TMEM108: variants seen among roughly 807,000 people sequenced by gnomAD.
TMEM108 encodes the protein transmembrane protein 108, also known as cancer/testis antigen 124.
A neutral mutation model predicts 35.1 loss-of-function variants in TMEM108; 12 were observed. That is an observed-to-expected ratio of 0.34 (90% confidence interval 0.22 to 0.55). TMEM108 has a LOEUF of 0.55. Among genes scored for constraint, TMEM108 ranks in the 20% least tolerant of loss-of-function variants. The probability of loss-of-function intolerance (pLI) is 0.89; values close to 1 mark genes in which losing one functional copy is unlikely to be tolerated. For missense variants in TMEM108, 680 were observed against 753.3 expected, an observed-to-expected ratio of 0.90 and a Z score of 1.14; for synonymous variants, 287 against 308.6, an observed-to-expected ratio of 0.93 and a Z score of 0.73.
chr3:133,101,192 A>AT lies in TMEM108; in HGVS notation c.-47+55179dup, dbSNP rs745691121. On this transcript the variant is annotated intron_variant, in intron 2 of 5. Coordinates refer to ENST00000321871, the MANE Select transcript of TMEM108 (RefSeq NM_023943.4). ...TATTATGGACAGTGCCTAAAACTGGATTTTTTTGGGTGAAAGCTCCTGATA... is the reference window on the plus strand; with the variant it reads ...TATTATGGACAGTGCCTAAAACTGGATTTTTTTTGGGTGAAAGCTCCTGATA... Among the ~76,000 whole-genome samples the AT allele has an allele frequency of 1.2e-4, 18 of 152,142 alleles. 1 individual carries two copies. Among genetic ancestry groups the AT allele is most frequent in the Non-Finnish European group, 2.2e-4 (15 of 68,022 alleles).
At chr3:133,351,796 A>G (rs554926617) in intron 3 of TMEM108, among the ~76,000 whole-genome samples, 58 of 152,304 alleles carry the variant, frequency 3.8e-4, no homozygotes, top group African/African-American at 1.3e-3. Flanking sequence ...AGTCTGTCTC[A>G]TTCCAAGGAC....
At chr3:133,216,655 T>C (rs1945913629) in intron 2 of TMEM108, among the ~76,000 whole-genome samples, 1 of 152,060 alleles carries the variant, frequency 6.6e-6, no homozygotes, top group Non-Finnish European at 1.5e-5. Flanking sequence ...AGTTCAACTT[T>C]TTTAGATTAA....
At chr3:133,145,169 GT>G (rs1470536273) in intron 2 of TMEM108, among the ~76,000 whole-genome samples, 1 of 152,130 alleles carries the variant, frequency 6.6e-6, no homozygotes, top group East Asian at 1.9e-4. Flanking sequence ...TCCAGTTTTA[GT>G]TTTCTGCATA....
chr3:133,367,437 A>G (rs952630513), intron 3 of TMEM108, among the ~76,000 whole-genome samples: 1 of 152,272 alleles, frequency 6.6e-6, no homozygotes, highest in Non-Finnish European at 1.5e-5. Context: ...TTCAGAATTC[A>G]GTTGCAAAAT....
rs529317051 is a variant in TMEM108, at chr3:133,371,398, G to A, written c.41-8354G>A. Among the ~76,000 whole-genome samples the A allele has an allele frequency of 4.3e-4, 65 of 152,210 alleles. 2 individuals carry two copies. The South Asian group carries it at 0.013, about 31-fold the overall frequency. ...GCTCATTCACATGGCCAACAGGGTT[G>A]TATTGCTATCATCTGGAAGTTAGGC... On this transcript the variant is annotated intron_variant, in intron 3 of 5. Transcript: ENST00000321871.
chr3:133,054,174 A>G (rs1372620991), intron 2 of TMEM108, among the ~76,000 whole-genome samples: 1 of 152,186 alleles, frequency 6.6e-6, no homozygotes, highest in Non-Finnish European at 1.5e-5. Flanking sequence ...ATCAATATAA[A>G]TAGTATTTGT....
intron 2 of TMEM108, among the ~76,000 whole-genome samples, chr3:133,152,877 C>G (rs958305193): frequency 6.6e-6 from 1 of 152,052 alleles, no homozygotes; most frequent in Non-Finnish European, 1.5e-5. Flanking sequence ...AAACAACTGA[C>G]AATATCATTA....
intron 2 of TMEM108, among the ~76,000 whole-genome samples, chr3:133,191,602 C>T (rs1945498720): frequency 6.6e-6 from 1 of 152,144 alleles, no homozygotes; most frequent in African/African-American, 2.4e-5. Flanking sequence ...TGGAACTCTG[C>T]CAGTTTTGTG....
chr3:133,206,739 C>A (rs1371867590), intron 2 of TMEM108, among the ~76,000 whole-genome samples: 1 of 152,202 alleles, frequency 6.6e-6, no homozygotes, highest in Non-Finnish European at 1.5e-5. Context: ...TGTCTGTCGA[C>A]CCCTGCTGTG....
intron 2 of TMEM108, among the ~76,000 whole-genome samples, chr3:133,170,453 A>G (rs954566739): frequency 6.6e-6 from 1 of 152,226 alleles, no homozygotes; most frequent in Middle Eastern, 3.2e-3. Flanking sequence ...GAAGGAAGAA[A>G]AATCACAGGT....
rs138049514 is a variant in TMEM108 at position 133,168,852 on chromosome 3, G to T, written c.-46-60414G>T. Among the ~76,000 whole-genome samples the T allele has an allele frequency of 6.5e-3, 991 of 152,202 alleles. 14 individuals are homozygous for T. The highest frequency in any genetic ancestry group is 0.023 in the African/African-American group (964 of 41,516). ...TGAAGGTTTGCGGCTTCACTCCTGA[G>T]GCCAGCGAGACCACAAACCCACCGG... On this transcript the variant is annotated intron_variant, in intron 2 of 5. Coordinates refer to ENST00000321871, the MANE Select transcript of TMEM108 (RefSeq NM_023943.4).
At position 133,052,676 on chromosome 3, in the gene TMEM108, T is replaced by C. The variant is rs183031848; in HGVS notation, c.-47+6656T>C. 1.7e-3 allele frequency among the ~76,000 whole-genome samples: 254 copies of C among 152,268 alleles called. 1 individual carries two copies. Among genetic ancestry groups the C allele is most frequent in the Non-Finnish European group, 3.0e-3 (203 of 68,016 alleles). ...GATTTTTAAAATGTTCTTTTCCTTT[T>C]GGTTTGCCTTTCTTACCCATTTTTT... On this transcript the variant is annotated intron_variant, in intron 2 of 5. Transcript: ENST00000321871.
intron 2 of TMEM108, among the ~76,000 whole-genome samples, chr3:133,110,099 T>C (rs754906458): frequency 2.6e-4 from 39 of 152,152 alleles, no homozygotes; most frequent in Non-Finnish European, 3.7e-4. Flanking sequence ...CCTGTTTTTT[T>C]CTCTTCCCTC....
chr3:133,366,058 T>C (rs2072493191), intron 3 of TMEM108, among the ~76,000 whole-genome samples: 1 of 152,224 alleles, frequency 6.6e-6, no homozygotes, highest in African/African-American at 2.4e-5. Flanking sequence ...TGGATAAATC[T>C]TTTAACCTCT....
intron 3 of TMEM108, among the ~76,000 whole-genome samples, chr3:133,363,963 G>A (rs771056002): frequency 6.6e-6 from 1 of 152,186 alleles, no homozygotes; most frequent in African/African-American, 2.4e-5. Flanking sequence ...CATTTAGAGT[G>A]CTTAATAGCC....
chr3:133,043,657 C>T (rs1576288717), intron 1 of TMEM108, among the ~76,000 whole-genome samples: 1 of 152,050 alleles, frequency 6.6e-6, no homozygotes, highest in African/African-American at 2.4e-5. Context: ...GTTCAGTTCC[C>T]TTCTAATTCA....
intron 3 of TMEM108, among the ~76,000 whole-genome samples, chr3:133,245,676 T>C (rs1190455959): frequency 2.6e-5 from 4 of 152,216 alleles, no homozygotes; most frequent in Non-Finnish European, 4.4e-5. Context: ...TAAAGTGGAA[T>C]GAACTGGACA....
intron 2 of TMEM108, among the ~76,000 whole-genome samples, chr3:133,210,700 G>T (rs1217333188): frequency 6.6e-6 from 1 of 152,108 alleles, no homozygotes; most frequent in Non-Finnish European, 1.5e-5. Context: ...CAAAATGTTC[G>T]GAATATCATG....
intron 3 of TMEM108, among the ~76,000 whole-genome samples, chr3:133,289,765 G>A (rs111908949): frequency 3.0e-4 from 45 of 152,190 alleles, no homozygotes; most frequent in African/African-American, 1.1e-3. Context: ...AAGTTGTTAG[G>A]CTATAAATTT....
Sources: gnomAD v4.1 joint callset for allele counts (sites outside exome capture counted in the v4.1 genomes callset) on GRCh38, gnomAD v4.1.1 for gene constraint, MANE v1.5 for transcripts, NCBI Gene and HGNC (gene_info 2026-07-23, HGNC 2026-07-21) for gene names.